The following LRP1B variants were observed in gnomAD, a reference collection of about 807,000 sequenced individuals.
LRP1B encodes the protein low-density lipoprotein receptor-related protein 1B.
Under a neutral mutation model 556.6 loss-of-function variants are expected in LRP1B, and 217 were observed. The ratio of observed to expected loss-of-function variants is 0.39; its 90% confidence interval spans 0.35 to 0.44. The LOEUF (loss-of-function observed/expected upper bound fraction) is 0.44, where lower values mean the gene tolerates loss of function less well. LRP1B is among the 20% of genes least tolerant of loss of function. The pLI is 1.00. For synonymous variants in LRP1B, 2,047 were observed against 1,865.8 expected, an observed-to-expected ratio of 1.10 and a Z score of -2.50; for missense variants, 5,053 against 5,620.8, an observed-to-expected ratio of 0.90 and a Z score of 3.23.
At chr2:140,996,707 C>T (rs949808279) in intron 15 of LRP1B, among the ~76,000 whole-genome samples, 1 of 151,876 alleles carries the variant, frequency 6.6e-6, no homozygotes, top group African/African-American at 2.4e-5. Context: ...TTTCAACTGG[C>T]TAAGCAGCTA....
chr2:140,859,753 G>A (rs1241422657), intron 27 of LRP1B, among the ~76,000 whole-genome samples: 4 of 152,040 alleles, frequency 2.6e-5, no homozygotes, highest in African/African-American at 9.7e-5. Flanking sequence ...CTAGCACTTT[G>A]GGAGGCCGAG....
At chr2:141,179,183 C>A (rs1558914538) in intron 7 of LRP1B, among the ~76,000 whole-genome samples, 1 of 151,880 alleles carries the variant, frequency 6.6e-6, no homozygotes, top group Non-Finnish European at 1.5e-5. Context: ...GAAACCTTAT[C>A]AATTTGGAGG....
Position 140,962,269 on chromosome 2 carries a change from A to T in LRP1B, c.2888-10329T>A, listed in dbSNP as rs926172920. Among the ~76,000 whole-genome samples the T allele has an allele frequency of 3.3e-5, 5 of 152,104 alleles. No individual in the cohort carries two copies. The East Asian group carries it at 9.7e-4, about 29-fold the overall frequency. ...CATCATGTAGAATTGTCATCTCCTT[A>T]TTGAGGTTTTGCACACCACAACCAC... On this transcript the variant is annotated intron_variant, in intron 18 of 90. Coordinates refer to ENST00000389484, the MANE Select transcript of LRP1B (RefSeq NM_018557.3).
chr2:140,760,662 A>G (rs1426335179), intron 35 of LRP1B, among the ~76,000 whole-genome samples: 1 of 152,202 alleles, frequency 6.6e-6, no homozygotes, highest in African/African-American at 2.4e-5. Flanking sequence ...AAGGTGGTGG[A>G]TCACCTGAGG....
intron 2 of LRP1B, among the ~76,000 whole-genome samples, chr2:141,597,793 T>C (rs1289192816): frequency 6.6e-6 from 1 of 152,098 alleles, no homozygotes; most frequent in African/African-American, 2.4e-5. Flanking sequence ...TCATACAATA[T>C]ATTTAAATGA....
At chr2:140,920,794 A>AT (rs555977552) in intron 21 of LRP1B, among the ~76,000 whole-genome samples, 5 of 151,830 alleles carry the variant, frequency 3.3e-5, no homozygotes, top group African/African-American at 4.8e-5. Flanking sequence ...TTTATCACAG[A>AT]TTTTTTTTAC....
At chr2:141,139,403 T>C (rs1315655160) in intron 7 of LRP1B, among the ~76,000 whole-genome samples, 1 of 151,704 alleles carries the variant, frequency 6.6e-6, no homozygotes, top group Admixed American at 6.6e-5. Context: ...GTTAGGAGAA[T>C]AAAAAGATAA....
chr2:140,651,383 G>C lies in LRP1B; in HGVS notation c.6799+48867C>G, dbSNP rs1167580511. Among the ~76,000 whole-genome samples the C allele has an allele frequency of 4.8e-5, 7 of 146,064 alleles. No homozygotes were observed. In the East Asian group the frequency reaches 1.0e-3, roughly 21 times the overall value. Reference sequence around the variant, plus strand: ...GGGGGGAGGGGGGAGGGATAGCATCGGGAGATATACCTAATGCTAGATAAC... The same window carrying C: ...GGGGGGAGGGGGGAGGGATAGCATCCGGAGATATACCTAATGCTAGATAAC... On this transcript the variant is annotated intron_variant, in intron 41 of 90. Transcript: ENST00000389484.
At position 142,060,682 on chromosome 2, in the gene LRP1B, C is replaced by T. The variant is rs577575228; in HGVS notation, c.82+69966G>A. Among the ~76,000 whole-genome samples, 21 of 152,008 alleles carry T rather than the reference C, an allele frequency of 1.4e-4. 2 individuals are homozygous for T. Among genetic ancestry groups the T allele is most frequent in the South Asian group, 1.0e-3 (5 of 4,822 alleles). ...AATGTGAATTCATGTGGTTACTCCA[C>T]GAAAAAGTCTCTATGTTTTAAGAGA... On this transcript the variant is annotated intron_variant, in intron 1 of 90. Coordinates refer to ENST00000389484, the MANE Select transcript of LRP1B (RefSeq NM_018557.3).
intron 6 of LRP1B, among the ~76,000 whole-genome samples, chr2:141,206,445 C>T (rs1285583496): frequency 6.6e-6 from 1 of 151,804 alleles, no homozygotes; most frequent in Non-Finnish European, 1.5e-5. Flanking sequence ...ATTAGCCAGG[C>T]GTGGTGGCGG....
chr2:140,487,886 A>G (rs1688537922), intron 57 of LRP1B, 147 bp from the exon 58 acceptor site: 1 of 478,448 alleles, frequency 2.1e-6, no homozygotes, highest in Non-Finnish European at 3.6e-6. Context: ...TTCTCATTAA[A>G]AGTATCATAT....
At chr2:141,337,746 C>T (rs1275992715) in intron 3 of LRP1B, among the ~76,000 whole-genome samples, 1 of 152,062 alleles carries the variant, frequency 6.6e-6, no homozygotes, top group Non-Finnish European at 1.5e-5. Flanking sequence ...TTTGTTATTT[C>T]TTTTTATCTT....
intron 11 of LRP1B, among the ~76,000 whole-genome samples, chr2:141,023,434 AATG>A (rs1156369939): frequency 6.6e-6 from 1 of 151,930 alleles, no homozygotes; most frequent in African/African-American, 2.4e-5. Context: ...TTAAAAGAAT[AATG>A]ATGTGGATTT....
intron 1 of LRP1B, among the ~76,000 whole-genome samples, chr2:141,812,017 A>G (rs1558892536): frequency 6.6e-6 from 1 of 152,138 alleles, no homozygotes; most frequent in Non-Finnish European, 1.5e-5. Context: ...AATGGTTGCT[A>G]AGGTAATAAT....
chr2:141,801,577 AC>A (rs1236802710), intron 2 of LRP1B, among the ~76,000 whole-genome samples: 1 of 152,178 alleles, frequency 6.6e-6, no homozygotes, highest in African/African-American at 2.4e-5. Context: ...GTTTGGAGCA[AC>A]CCATCATCTA....
chr2:140,955,067 G>C (rs1695833338), intron 18 of LRP1B, among the ~76,000 whole-genome samples: 2 of 151,766 alleles, frequency 1.3e-5, no homozygotes, highest in Non-Finnish European at 2.9e-5. Context: ...TTATCTCTTG[G>C]GTCCTATAAG....
intron 31 of LRP1B, among the ~76,000 whole-genome samples, chr2:140,828,912 C>A (rs182682244): frequency 6.6e-6 from 1 of 151,048 alleles, no homozygotes. Flanking sequence ...AGACACACAT[C>A]GGCTGAAAGT....
intron 41 of LRP1B, among the ~76,000 whole-genome samples, chr2:140,689,563 G>T (rs907203582): frequency 6.6e-6 from 1 of 152,120 alleles, no homozygotes; most frequent in African/African-American, 2.4e-5. Flanking sequence ...CAAGAATTAG[G>T]AACCTCAGTA....
At chr2:141,654,534 C>A (rs1689929398) in intron 2 of LRP1B, among the ~76,000 whole-genome samples, 1 of 152,018 alleles carries the variant, frequency 6.6e-6, no homozygotes, top group Admixed American at 6.6e-5. Context: ...ATTCTCTCTC[C>A]ATCTGTCACA....
Sources: allele counts gnomAD v4.1 joint callset (sites outside exome capture counted in the v4.1 genomes callset), GRCh38; gene constraint gnomAD v4.1.1; transcripts MANE v1.5; gene names NCBI Gene and HGNC (gene_info 2026-07-23, HGNC 2026-07-21).